The following EPAS1 variants were observed in gnomAD, a reference collection of about 807,000 sequenced individuals.
The protein encoded by EPAS1 is endothelial PAS domain protein 1.
A neutral mutation model predicts 87.9 loss-of-function variants in EPAS1; 23 were observed. The observed-to-expected ratio is 0.26, with a 90% CI of 0.19 to 0.37. The LOEUF (loss-of-function observed/expected upper bound fraction) is 0.37. EPAS1 is among the 10% of genes least tolerant of loss of function. The pLI, the probability that EPAS1 is intolerant of heterozygous loss-of-function variation, is 1.00. For synonymous variants in EPAS1, 508 were observed against 444.3 expected (o/e 1.14, Z -1.80); for missense variants, 1,138 against 1,120.7 (o/e 1.02, Z -0.22).
intron 7 of EPAS1, among the ~76,000 whole-genome samples, 172 bp downstream of exon 7, chr2:46,370,105 G>A (rs1684596687): frequency 6.6e-6 from 1 of 152,182 alleles, no homozygotes; most frequent in South Asian, 2.1e-4. Flanking sequence ...GCTGCCACCA[G>A]CCTATAGACT....
In EPAS1 at chr2:46,380,782, C is replaced by G; in HGVS notation, c.2045+65C>G. 3 of 1,598,916 alleles carry G rather than the reference C, an allele frequency of 1.9e-6. No individual in the cohort carries two copies. The highest frequency in any genetic ancestry group is 2.5e-6 in the Non-Finnish European group (3 of 1,179,710). Reference sequence around the variant, plus strand: ...CGAGAGGCACCCACTAGTAAGATAGCTGGACCCCCAGGGAGGCCCCTGCCC... The same window carrying G: ...CGAGAGGCACCCACTAGTAAGATAGGTGGACCCCCAGGGAGGCCCCTGCCC... On this transcript the variant is annotated intron_variant, in intron 12 of 15. Transcript: ENST00000263734. This position sits in a 1 kb window ranked among gnomAD's most constrained non-coding sequence, Gnocchi z 4.4.
rs1683182389 is a variant in EPAS1, at chr2:46,310,104, C to T, written c.26+12167C>T. The stretch of plus-strand genomic sequence containing the variant: ...CTGTACCACTTCTCAGGGTAATAAA[C>T]GCCATGTCTGAGTCTCCTAGTGCAT... On this transcript the variant is annotated intron_variant, in intron 1 of 15. Transcript: ENST00000263734. 4.6e-5 allele frequency among the ~76,000 whole-genome samples: 7 copies of T among 152,312 alleles called. No homozygotes were observed. In the South Asian group the frequency reaches 1.0e-3, roughly 23 times the overall value.
chr2:46,385,045 T>C lies in EPAS1; in HGVS notation c.*385T>C, dbSNP rs1216073348. 1 of 212,934 alleles carries C rather than the reference T, an allele frequency of 4.7e-6. No homozygotes were observed. Among genetic ancestry groups the C allele is most frequent in the Non-Finnish European group, 9.7e-6 (1 of 103,538 alleles). 13.2% of individuals were successfully genotyped at this position (212,934 alleles called of 1,614,324 possible). The stretch of plus-strand genomic sequence containing the variant: ...CTGTAGGGAGAAGCTTTAGCTTCAT[T>C]TTACTAAAAAGATTCCTCGTTATTG... On this transcript the variant is annotated 3_prime_UTR_variant, in exon 16 of 16. Transcript: ENST00000263734.
At chr2:46,298,106 C>G (rs373667638) in intron 1 of EPAS1, among the ~76,000 whole-genome samples, 169 bp downstream of exon 1, 2 of 152,160 alleles carry the variant, frequency 1.3e-5, no homozygotes, top group African/African-American at 4.8e-5. Flanking sequence ...TTTGGGGGCG[C>G]GGATCAGCAG....
intron 1 of EPAS1, among the ~76,000 whole-genome samples, chr2:46,344,361 G>C (rs1012308017): frequency 6.6e-6 from 1 of 152,198 alleles, no homozygotes; most frequent in Non-Finnish European, 1.5e-5. Context: ...CCTGTGCTGG[G>C]ATTGCTTTTG....
At chr2:46,369,724 C>T (rs560098040) in intron 6 of EPAS1, 103 bp from the exon 7 acceptor site, 4 of 763,178 alleles carry the variant, frequency 5.2e-6, no homozygotes, top group African/African-American at 5.2e-5. Flanking sequence ...TGTTCATCTG[C>T]ATGTGTGTGT....
chr2:46,333,921 C>T (rs1315292985), intron 1 of EPAS1, among the ~76,000 whole-genome samples: 1 of 151,892 alleles, frequency 6.6e-6, no homozygotes. Context: ...AATAAAACAC[C>T]ACCAGAGCCA....
In EPAS1 at chr2:46,381,757, A is replaced by G. The variant is rs535078040; in HGVS notation, c.2172+35A>G. The G allele has an allele frequency of 3.1e-6, 5 of 1,613,316 alleles. No individual in the cohort carries two copies. In the African/African-American group the frequency reaches 6.7e-5, roughly 22 times the overall value. ...CCCCACTGGCCACAGGGGCCTCTCC[A>G]TAGCCCTTAGGGAACCCAGGGCTGC... On this transcript the variant is annotated intron_variant, in intron 13 of 15. Coordinates refer to ENST00000263734, the MANE Select transcript of EPAS1 (RefSeq NM_001430.5).
intron 1 of EPAS1, among the ~76,000 whole-genome samples, chr2:46,315,949 T>C (rs1342099678): frequency 6.6e-6 from 1 of 152,304 alleles, no homozygotes; most frequent in African/African-American, 2.4e-5. Flanking sequence ...TTATAAAAAA[T>C]ATACATGTTC....
chr2:46,346,704 T>A lies in EPAS1; in HGVS notation c.27-169T>A, dbSNP rs1684034039. ...ACACCAACACACACAAAAGCAGAGC[T>A]AACAATACAAAGCAGGTTGTGTGTG... On this transcript the variant is annotated intron_variant, in intron 1 of 15. Transcript: ENST00000263734. This position sits in a 1 kb window ranked among gnomAD's most constrained non-coding sequence, Gnocchi z 4.0. Among the ~76,000 whole-genome samples the A allele has an allele frequency of 6.6e-6, 1 of 152,198 alleles. No homozygotes were observed. Among genetic ancestry groups the A allele is most frequent in the South Asian group, 2.1e-4 (1 of 4,828 alleles).
intron 6 of EPAS1, among the ~76,000 whole-genome samples, chr2:46,361,982 GC>G (rs148979607): frequency 0.012 from 1,889 of 152,358 alleles, 21 homozygotes; most frequent in Middle Eastern, 0.034. Context: ...GCAATGGCCG[GC>G]CCCAGGGAGG....
intron 15 of EPAS1, among the ~76,000 whole-genome samples, chr2:46,384,226 TG>T (rs1002829587): frequency 1.3e-5 from 2 of 152,198 alleles, no homozygotes; most frequent in South Asian, 4.1e-4. Flanking sequence ...CCAGGAGGCA[TG>T]GGGGTCAGCA....
chr2:46,356,413 C>A, intron 3 of EPAS1, 111 bp downstream of exon 3: 2 of 1,390,222 alleles, frequency 1.4e-6, no homozygotes, highest in Non-Finnish European at 2.0e-6. Context: ...CAAATGCCCA[C>A]GGTGACCCTC....
intron 7 of EPAS1, among the ~76,000 whole-genome samples, chr2:46,372,164 G>C (rs1385232379): frequency 6.6e-6 from 1 of 152,200 alleles, no homozygotes; most frequent in Non-Finnish European, 1.5e-5. Context: ...CTCTCCCCTT[G>C]ATGGAGCCAA....
intron 1 of EPAS1, among the ~76,000 whole-genome samples, chr2:46,309,377 T>C (rs140504140): frequency 3.0e-4 from 46 of 152,362 alleles, no homozygotes; most frequent in African/African-American, 9.1e-4. Context: ...AGATGATTTA[T>C]GTTAATGGAT....
In EPAS1 at chr2:46,375,623, C is replaced by A. The variant is rs142422464; in HGVS notation, c.887-67C>A. On this transcript the variant is annotated intron_variant, in intron 7 of 15. Transcript: ENST00000263734. The surrounding 1 kb of genome is among the most constrained non-coding windows in gnomAD (Gnocchi z 4.1). ...AGATTAGACTGCCCTCCCATGCGAT[C>A]TGCTGAGCCTGTGGTGCACACCCCT... 496 of 1,569,154 alleles carry A rather than the reference C, an allele frequency of 3.2e-4. 2 individuals are homozygous for A. The African/African-American group carries it at 5.9e-3, about 19-fold the overall frequency.
chr2:46,297,561 C>CTT lies in EPAS1; in HGVS notation c.-342_-341dup, dbSNP rs149642079. 42 of 302,930 alleles carry CTT rather than the reference C, an allele frequency of 1.4e-4. No individual in the cohort carries two copies. Among genetic ancestry groups the CTT allele is most frequent in the Middle Eastern group, 1.1e-3 (1 of 904 alleles). The allele number at this position is 302,930 out of a possible 1,614,324, so 18.8% of individuals were successfully genotyped here. Reference sequence around the variant, plus strand: ...CTTCCGACTCCCAGCATTCGAGCCACTTTTTTTTTTCTTTGAAAACTCAGA... The same window carrying CTT: ...CTTCCGACTCCCAGCATTCGAGCCACTTTTTTTTTTTTCTTTGAAAACTCAGA... On this transcript the variant is annotated 5_prime_UTR_variant, in exon 1 of 16. The change creates a premature stop within an existing upstream ORF in the 5' untranslated region. Coordinates refer to ENST00000263734, the MANE Select transcript of EPAS1 (RefSeq NM_001430.5).
intron 1 of EPAS1, among the ~76,000 whole-genome samples, chr2:46,308,704 A>G (rs1683156466): frequency 6.6e-6 from 1 of 152,218 alleles, no homozygotes. Context: ...TCAGGCTAGT[A>G]TTATATCAGT....
intron 1 of EPAS1, among the ~76,000 whole-genome samples, chr2:46,298,165 C>A (rs1682924785): frequency 6.6e-6 from 1 of 152,182 alleles, no homozygotes; most frequent in African/African-American, 2.4e-5. Flanking sequence ...GATTTGCGCG[C>A]ACGGCGAGGC....
Sources: allele counts gnomAD v4.1 joint callset (sites outside exome capture counted in the v4.1 genomes callset), GRCh38; gene constraint gnomAD v4.1.1; non-coding constraint Gnocchi (gnomAD v3.1); transcripts MANE v1.5; gene names NCBI Gene and HGNC (gene_info 2026-07-23, HGNC 2026-07-21).